NRXN3: variants seen among roughly 807,000 people sequenced by gnomAD.
NRXN3 encodes the protein neurexin III.
Under a neutral mutation model 137.6 loss-of-function variants are expected in NRXN3, and 32 were observed. The observed-to-expected ratio is 0.23, with a 90% CI of 0.18 to 0.31. NRXN3 has a LOEUF of 0.31. Ranked by LOEUF, NRXN3 falls within the 10% of genes least tolerant of loss-of-function variation. The pLI is 1.00. For missense variants in NRXN3, 1,574 were observed against 2,062.5 expected (o/e 0.76, Z 4.59); for synonymous variants, 798 against 784.5 (o/e 1.02, Z -0.29).
chr14:79,784,908 G>A (rs1480906463), intron 19 of NRXN3, among the ~76,000 whole-genome samples: 1 of 152,018 alleles, frequency 6.6e-6, no homozygotes, highest in Non-Finnish European at 1.5e-5. Flanking sequence ...GGGCTTTATT[G>A]ACTGTTGTAC....
chr14:78,626,298 A>C (rs1320417857), intron 4 of NRXN3, among the ~76,000 whole-genome samples: 1 of 152,134 alleles, frequency 6.6e-6, no homozygotes, highest in Non-Finnish European at 1.5e-5. Flanking sequence ...AATATGTCTA[A>C]AAAGGCACCT....
intron 10 of NRXN3, among the ~76,000 whole-genome samples, chr14:78,887,515 A>T (rs2099147018): frequency 1.3e-5 from 2 of 152,214 alleles, no homozygotes; most frequent in South Asian, 4.1e-4. Flanking sequence ...CTCAAACATA[A>T]GTGCATGGAT....
At chr14:78,877,782 C>T (rs2099117333) in intron 10 of NRXN3, among the ~76,000 whole-genome samples, 1 of 152,170 alleles carries the variant, frequency 6.6e-6, no homozygotes, top group Non-Finnish European at 1.5e-5. Context: ...TAAAAATGAA[C>T]TCATCCTTTA....
At chr14:78,537,793 A>G (rs906746889) in intron 4 of NRXN3, among the ~76,000 whole-genome samples, 1 of 152,000 alleles carries the variant, frequency 6.6e-6, no homozygotes, top group Non-Finnish European at 1.5e-5. Context: ...TGTATAAGGT[A>G]TAAGGAAGGG....
chr14:79,557,641 T>C lies in NRXN3; in HGVS notation c.3444+90239T>C, dbSNP rs76869307. Among the ~76,000 whole-genome samples the C allele has an allele frequency of 5.5e-3, 835 of 152,282 alleles. 4 individuals are homozygous for C. Among genetic ancestry groups the C allele is most frequent in the African/African-American group, 0.02 (812 of 41,564 alleles). On this transcript the variant is annotated intron_variant, in intron 16 of 20. Transcript: ENST00000335750. ...GTAATGTACAAACCTTAATTATAAA[T>C]ATTTATTGCTAAAATAATGCTAAAA...
At chr14:79,127,766 C>A (rs954414834) in intron 15 of NRXN3, among the ~76,000 whole-genome samples, 1 of 152,076 alleles carries the variant, frequency 6.6e-6, no homozygotes, top group Admixed American at 6.5e-5. Flanking sequence ...TTACCTTGGG[C>A]AGTATGGCCA....
rs563510843 is a variant in NRXN3 at position 79,569,911 on chromosome 14, C to T, written c.3445-93867C>T. On this transcript the variant is annotated intron_variant, in intron 16 of 20. Transcript: ENST00000335750. Reference sequence around the variant, plus strand: ...GGCGTGAGCCACTGTGCCTGGCCAACAGAACATATTTTAATGTCTGAAAAA... The same window carrying T: ...GGCGTGAGCCACTGTGCCTGGCCAATAGAACATATTTTAATGTCTGAAAAA... Among the ~76,000 whole-genome samples, 4 of 152,098 alleles carry T rather than the reference C, an allele frequency of 2.6e-5. No individual in the cohort carries two copies. In the East Asian group the frequency reaches 7.8e-4, roughly 30 times the overall value.
intron 4 of NRXN3, among the ~76,000 whole-genome samples, chr14:78,629,361 G>A (rs1228940684): frequency 6.6e-6 from 1 of 152,158 alleles, no homozygotes; most frequent in Non-Finnish European, 1.5e-5. Context: ...CTTTCATAAA[G>A]TGACACAATG....
At chr14:78,418,022 G>C (rs577750452) in intron 4 of NRXN3, among the ~76,000 whole-genome samples, 106 of 152,292 alleles carry the variant, frequency 7.0e-4, no homozygotes, top group African/African-American at 2.5e-3. Context: ...CTCCCAAAGT[G>C]CTGGGATTAC....
intron 20 of NRXN3, among the ~76,000 whole-genome samples, chr14:79,849,714 A>G (rs1248323898): frequency 6.6e-6 from 1 of 152,224 alleles, no homozygotes; most frequent in Non-Finnish European, 1.5e-5. Context: ...TAAATTAAAA[A>G]TGGAATTGCC....
chr14:79,282,255 A>G (rs2081395483), intron 15 of NRXN3, among the ~76,000 whole-genome samples: 1 of 152,168 alleles, frequency 6.6e-6, no homozygotes, highest in Admixed American at 6.6e-5. Context: ...AGTGGGAGAT[A>G]GGGGAAGCCA....
At chr14:79,170,051 A>G (rs766024) in intron 15 of NRXN3, among the ~76,000 whole-genome samples, 118,550 of 152,016 alleles carry the variant, frequency 0.78, 47,537 homozygotes, top group Middle Eastern at 0.91. Flanking sequence ...TTCCACACTT[A>G]GCATATTACT....
At chr14:79,492,523 C>A (rs562032827) in intron 16 of NRXN3, among the ~76,000 whole-genome samples, 1 of 152,182 alleles carries the variant, frequency 6.6e-6, no homozygotes, top group Non-Finnish European at 1.5e-5. Context: ...GCTGGGATTA[C>A]AGGCACGTGC....
At chr14:79,692,345 A>T in intron 18 of NRXN3, 83 bp downstream of exon 18, 1 of 995,640 alleles carries the variant, frequency 1.0e-6, no homozygotes, top group South Asian at 1.5e-5. Flanking sequence ...TGTTCCTTAA[A>T]TGATAATCGC....
At position 78,448,896 on chromosome 14, in the gene NRXN3, G is replaced by A. The variant is rs17107616; in HGVS notation, c.757+151036G>A. 4.2e-3 allele frequency among the ~76,000 whole-genome samples: 634 copies of A among 152,254 alleles called. 27 individuals carry two copies. The East Asian group carries it at 0.083, about 20-fold the overall frequency. On this transcript the variant is annotated intron_variant, in intron 4 of 20. Coordinates refer to ENST00000335750, the MANE Select transcript of NRXN3 (RefSeq NM_001330195.2). ...CCATTGGGCTTCCACATTTGGGAAG[G>A]TTCCCGCTGAGATGGGACAGAAGTG...
At chr14:79,448,684 A>T (rs1358109040) in intron 15 of NRXN3, among the ~76,000 whole-genome samples, 1 of 152,198 alleles carries the variant, frequency 6.6e-6, no homozygotes, top group Non-Finnish European at 1.5e-5. Context: ...GAGCTTTTAG[A>T]TACTATAGAG....
chr14:78,375,039 TA>T (rs1287953277), intron 4 of NRXN3, among the ~76,000 whole-genome samples: 1 of 152,222 alleles, frequency 6.6e-6, no homozygotes, highest in Non-Finnish European at 1.5e-5. Flanking sequence ...GAAATCCAAC[TA>T]TTCTTGAGTT....
chr14:78,271,627 G>A (rs1351825785), intron 2 of NRXN3, among the ~76,000 whole-genome samples: 1 of 152,198 alleles, frequency 6.6e-6, no homozygotes, highest in Non-Finnish European at 1.5e-5. Flanking sequence ...TTTGAGTACA[G>A]CAGTGACCTG....
Position 79,311,024 on chromosome 14 carries a change from G to A in NRXN3, c.3263-156197G>A, listed in dbSNP as rs968993710. 5.7e-4 allele frequency among the ~76,000 whole-genome samples: 72 copies of A among 127,374 alleles called. 2 individuals carry two copies. The highest frequency in any genetic ancestry group is 2.9e-3 in the Admixed American group (37 of 12,672). 83.6% of individuals were successfully genotyped at this position (127,374 alleles called of 152,430 possible). ...CCTGTCTTGTACCAGTTTTCAAAGG[G>A]AATGCTTCCAGTTTTTGCCCATTCA... On this transcript the variant is annotated intron_variant, in intron 15 of 20. Transcript: ENST00000335750.
Sources: allele counts gnomAD v4.1 joint callset (sites outside exome capture counted in the v4.1 genomes callset), GRCh38; gene constraint gnomAD v4.1.1; transcripts MANE v1.5; gene names NCBI Gene and HGNC (gene_info 2026-07-23, HGNC 2026-07-21).